The following ZHX3 variants were observed in gnomAD, a reference collection of about 807,000 sequenced individuals.
ZHX3 encodes the protein zinc fingers and homeoboxes 3, also known as zinc fingers and homeoboxes protein 3.
ZHX3 carries 20 observed loss-of-function variants against 64.5 expected under a neutral mutation model. The observed-to-expected ratio is 0.31, with a 90% CI of 0.22 to 0.45. The LOEUF is 0.45. Ranked by LOEUF, ZHX3 falls within the 20% of genes least tolerant of loss-of-function variation. The pLI is 1.00. For synonymous variants in ZHX3, 423 were observed against 461.6 expected (o/e 0.92, Z 1.07); for missense variants, 1,041 against 1,195.8 (o/e 0.87, Z 1.91).
chr20:41,192,600 T>C (rs551266187), intron 3 of ZHX3, among the ~76,000 whole-genome samples: 2 of 152,354 alleles, frequency 1.3e-5, no homozygotes, highest in East Asian at 3.9e-4. Flanking sequence ...CAGGAGCACA[T>C]GCCTTGTAGT....
rs1254755823 is a variant in ZHX3 at position 41,201,806 on chromosome 20, G to A, written c.2860+251C>T. 6.6e-6 allele frequency among the ~76,000 whole-genome samples: 1 copy of A among 152,122 alleles called. No individual in the cohort carries two copies. The stretch of plus-strand genomic sequence containing the variant: ...CTAGAAAAGCTTGGACCCCTTTAGG[G>A]TCACCATGTTCCTTCCCCTGCGCAG... On this transcript the variant is annotated intron_variant, in intron 3 of 3. Transcript: ENST00000683867. This position sits in a 1 kb window ranked among gnomAD's most constrained non-coding sequence, Gnocchi z 5.0.
intron 3 of ZHX3, among the ~76,000 whole-genome samples, chr20:41,187,155 C>A (rs1478392352): frequency 2.6e-5 from 4 of 151,758 alleles, no homozygotes; most frequent in African/African-American, 7.3e-5. Context: ...CCTGTCTACA[C>A]ACACACCCAC....
chr20:41,203,318 G>A lies in ZHX3; in HGVS notation c.1599C>T (p.Leu533=), dbSNP rs1303334905. 3.7e-6 allele frequency: 6 copies of A among 1,614,062 alleles called. No homozygotes were observed. Among genetic ancestry groups the A allele is most frequent in the East Asian group, 2.2e-5 (1 of 44,896 alleles). The change falls in exon 3 of 4, where the codon CTC becomes CTT. Residue 533 remains leucine (L), a synonymous_variant. Coordinates refer to ENST00000683867, the MANE Select transcript of ZHX3 (RefSeq NM_001384317.1). The surrounding 1 kb of genome is among the most constrained non-coding windows in gnomAD (Gnocchi z 7.1). ...ACCATTTCCGCACCTCTCTGGTACT[G>A]AGGCCCGTCACTTTTGTGAGATGTT... ...EVEHLTKVTG[L]STREVRKWFS...
chr20:41,311,457 A>G (rs1394860743), intron 1 of ZHX3, among the ~76,000 whole-genome samples: 1 of 152,260 alleles, frequency 6.6e-6, no homozygotes, highest in Non-Finnish European at 1.5e-5. Flanking sequence ...ATGCTTTGGC[A>G]TAGTGGTTAT....
Position 41,213,861 on chromosome 20 carries a change from G to C in ZHX3, c.-150-8795C>G, listed in dbSNP as rs1182449526. On this transcript the variant is annotated intron_variant, in intron 2 of 3. Coordinates refer to ENST00000683867, the MANE Select transcript of ZHX3 (RefSeq NM_001384317.1). ...TAATCCCAGCACTTTGGGAAGCCAA[G>C]GTAGGAAGATCATTTGAGGCCAGGA... 5.9e-5 allele frequency: 9 copies of C among 152,412 alleles called. No homozygotes were observed. The East Asian group carries it at 1.5e-3, about 26-fold the overall frequency. 9.4% of individuals were successfully genotyped at this position (152,412 alleles called of 1,614,324 possible).
intron 3 of ZHX3, among the ~76,000 whole-genome samples, chr20:41,190,015 T>TA (rs925855054): frequency 5.3e-5 from 8 of 152,206 alleles, no homozygotes; most frequent in Non-Finnish European, 1.0e-4. Flanking sequence ...GTTTTTTTTT[T>TA]ATCATGAAGC....
At chr20:41,205,411 A>G (rs2038621311) in intron 2 of ZHX3, among the ~76,000 whole-genome samples, 1 of 152,248 alleles carries the variant, frequency 6.6e-6, no homozygotes, top group South Asian at 2.1e-4. Context: ...TGTCAGAGTG[A>G]GAACAAAAGA....
At chr20:41,280,782 T>C (rs1251185716) in intron 1 of ZHX3, among the ~76,000 whole-genome samples, 3 of 151,912 alleles carry the variant, frequency 2.0e-5, no homozygotes, top group African/African-American at 4.8e-5. Context: ...AAGACAAAAG[T>C]AGTGATTTAG....
chr20:41,243,170 T>C (rs1435956232), intron 2 of ZHX3, among the ~76,000 whole-genome samples: 1 of 152,206 alleles, frequency 6.6e-6, no homozygotes, highest in Non-Finnish European at 1.5e-5. Flanking sequence ...CAGAGGCATA[T>C]GGGATTTCCC....
At chr20:41,240,596 A>G (rs774048076) in intron 2 of ZHX3, among the ~76,000 whole-genome samples, 20 of 152,064 alleles carry the variant, frequency 1.3e-4, no homozygotes, top group Non-Finnish European at 2.2e-4. Flanking sequence ...GTGCTGGCAA[A>G]TACTAGGTCT....
Position 41,179,643 on chromosome 20 carries a change from T to C in ZHX3, c.*5548A>G, listed in dbSNP as rs535418113. 1.3e-5 allele frequency: 2 copies of C among 152,186 alleles called. No individual in the cohort carries two copies. The highest frequency in any genetic ancestry group is 1.3e-4 in the Admixed American group (2 of 15,298). 9.4% of individuals were successfully genotyped at this position (152,186 alleles called of 1,614,324 possible). ...CCAGTCACATTAAGTTTTTTTTTTT[T>C]TTTTGAGACGGAGTTTCGCTCTGTC... On this transcript the variant is annotated 3_prime_UTR_variant, in exon 4 of 4. Transcript: ENST00000683867. This position sits in a 1 kb window ranked among gnomAD's most constrained non-coding sequence, Gnocchi z 4.3.
chr20:41,254,623 T>G (rs1221972900), intron 2 of ZHX3: 2 of 152,272 alleles, frequency 1.3e-5, no homozygotes, highest in Admixed American at 6.5e-5. Context: ...AAGCTGTGTC[T>G]CAGTTTCCTC....
intron 2 of ZHX3, among the ~76,000 whole-genome samples, chr20:41,230,573 T>C (rs1600429440): frequency 6.6e-6 from 1 of 152,310 alleles, no homozygotes; most frequent in East Asian, 1.9e-4. Context: ...AGACCAGATT[T>C]CAAAGACTCA....
chr20:41,281,424 A>C (rs964323800), intron 1 of ZHX3, among the ~76,000 whole-genome samples: 46 of 152,228 alleles, frequency 3.0e-4, no homozygotes, highest in African/African-American at 1.1e-3. Context: ...TGAACAAAGA[A>C]ATAGGTTTAA....
chr20:41,283,771 C>A (rs2043806752), intron 1 of ZHX3, among the ~76,000 whole-genome samples: 1 of 150,514 alleles, frequency 6.6e-6, no homozygotes, highest in African/African-American at 2.5e-5. Flanking sequence ...AAAAAAAAAT[C>A]ACTTTTATCT....
chr20:41,188,695 C>T (rs964376969), intron 3 of ZHX3: 2 of 152,112 alleles, frequency 1.3e-5, no homozygotes, highest in African/African-American at 2.4e-5. Context: ...GCCTCTGTGC[C>T]CCACCTTTTG....
chr20:41,294,313 C>T (rs529288537), intron 1 of ZHX3, among the ~76,000 whole-genome samples: 2 of 152,266 alleles, frequency 1.3e-5, no homozygotes, highest in Non-Finnish European at 2.9e-5. Context: ...TGATGTCATA[C>T]CTTAAACTTA....
chr20:41,246,525 A>G (rs1042572838), intron 2 of ZHX3, among the ~76,000 whole-genome samples: 19 of 152,344 alleles, frequency 1.2e-4, no homozygotes, highest in African/African-American at 4.6e-4. Flanking sequence ...ATAGGGTAAT[A>G]GGTTAAGAAG....
In ZHX3 at chr20:41,212,810, C is replaced by A. The variant is rs116983590; in HGVS notation, c.-150-7744G>T. Among the ~76,000 whole-genome samples the A allele has an allele frequency of 0.14, 20,578 of 149,440 alleles. 1,614 individuals carry two copies. The highest frequency in any genetic ancestry group is 0.17 in the Non-Finnish European group (11,379 of 67,364). On this transcript the variant is annotated intron_variant, in intron 2 of 3. Coordinates refer to ENST00000683867, the MANE Select transcript of ZHX3 (RefSeq NM_001384317.1). This position sits in a 1 kb window ranked among gnomAD's most constrained non-coding sequence, Gnocchi z 4.3. Reference sequence around the variant, plus strand: ...TAAACTGTGTCTCAAAAAAAAAAAACCAAAAACAAAACAAAACAAAAAAAA... The same window carrying A: ...TAAACTGTGTCTCAAAAAAAAAAAAACAAAAACAAAACAAAACAAAAAAAA...
Sources: gnomAD v4.1 joint callset for allele counts (sites outside exome capture counted in the v4.1 genomes callset) on GRCh38, gnomAD v4.1.1 for gene constraint, Gnocchi (gnomAD v3.1) non-coding constraint, MANE v1.5 for transcripts, NCBI Gene and HGNC (gene_info 2026-07-23, HGNC 2026-07-21) for gene names.